The following MAPK8IP3 variants were observed in gnomAD, a reference collection of about 807,000 sequenced individuals.
MAPK8IP3 encodes the protein mitogen-activated protein kinase 8 interacting protein 3.
Under a neutral mutation model 157.8 loss-of-function variants are expected in MAPK8IP3, and 49 were observed. The ratio of observed to expected loss-of-function variants is 0.31; its 90% CI spans 0.25 to 0.39. The LOEUF (loss-of-function observed/expected upper bound fraction) is 0.39, where lower values mean the gene tolerates loss of function less well. MAPK8IP3 is among the 10% of genes least tolerant of loss of function. The pLI, the probability that MAPK8IP3 is intolerant of heterozygous loss-of-function variation, is 1.00. For missense variants in MAPK8IP3, 1,478 were observed against 1,889.4 expected, an observed-to-expected ratio of 0.78 and a Z score of 4.04; for synonymous variants, 897 against 777.7, an observed-to-expected ratio of 1.15 and a Z score of -2.55.
intron 8 of MAPK8IP3, among the ~76,000 whole-genome samples, chr16:1,755,850 CA>C (rs59789858): frequency 0.19 from 13,307 of 69,140 alleles, 650 homozygotes; most frequent in African/African-American, 0.3. Flanking sequence ...GAGTCTTTCT[CA>C]AAAAAAAAAA....
rs191721164 is a variant in MAPK8IP3, at chr16:1,710,629, C to T, written c.318+3972C>T. 8.5e-5 allele frequency among the ~76,000 whole-genome samples: 13 copies of T among 152,280 alleles called. No individual in the cohort carries two copies. The highest frequency in any genetic ancestry group is 1.9e-4 in the East Asian group (1 of 5,188). On this transcript the variant is annotated intron_variant, in intron 1 of 31. Coordinates refer to ENST00000610761, the MANE Select transcript of MAPK8IP3 (RefSeq NM_001318852.2). This position sits in a 1 kb window ranked among gnomAD's most constrained non-coding sequence, Gnocchi z 4.1. The stretch of plus-strand genomic sequence containing the variant: ...TTCTTTTTTTCTCCTCTGCGCCAGA[C>T]GATCTGCAGGAAGTCTTTTCCATCA...
At chr16:1,763,883 A>AG (rs1004065080) in intron 17 of MAPK8IP3, 100 bp downstream of exon 17, 2 of 127,088 alleles carry the variant, frequency 1.6e-5, no homozygotes, top group Non-Finnish European at 2.8e-5. Context: ...GGGCAGTGCT[A>AG]GGGGGTGGGA....
At chr16:1,756,623 A>AACACACACACAC (rs60461442) in intron 8 of MAPK8IP3, among the ~76,000 whole-genome samples, 226 of 135,692 alleles carry the variant, frequency 1.7e-3, no homozygotes, top group Middle Eastern at 0.011. Flanking sequence ...TTTTTACTAA[A>AACACACACACAC]ACACACACAC....
chr16:1,752,547 A>T (rs1017866466), intron 8 of MAPK8IP3: 6 of 335,062 alleles, frequency 1.8e-5, no homozygotes, highest in Non-Finnish European at 3.6e-5. Context: ...GTTCAAGACC[A>T]GCCTGGTCAA....
chr16:1,716,201 C>T (rs1258341566), intron 1 of MAPK8IP3, among the ~76,000 whole-genome samples: 5 of 151,722 alleles, frequency 3.3e-5, no homozygotes, highest in Non-Finnish European at 5.9e-5. Flanking sequence ...TCAGTCACTG[C>T]GTTAACTTTG....
chr16:1,723,763 C>T (rs1234994658), intron 1 of MAPK8IP3, among the ~76,000 whole-genome samples: 1 of 152,364 alleles, frequency 6.6e-6, no homozygotes, highest in East Asian at 1.9e-4. Context: ...GTAGGAACTA[C>T]ACTTATGGCA....
At chr16:1,734,945 AGAGT>A (rs1217682568) in intron 4 of MAPK8IP3, 1 of 154,618 alleles carries the variant, frequency 6.5e-6, no homozygotes, top group African/African-American at 2.4e-5. Flanking sequence ...CCACTGCTGC[AGAGT>A]GTGTGTGTGT....
Position 1,767,134 on chromosome 16 carries a change from C to T in MAPK8IP3, c.3089-15C>T, listed in dbSNP as rs369035257. ...GCCTGGCCAGGCCTGAGCAGGTGTC[C>T]GGGGCTCCCTCCAGATGGCCAGTGG... On this transcript the variant is annotated splice_polypyrimidine_tract_variant and intron_variant, in intron 25 of 31. Transcript: ENST00000610761. 16 of 1,612,382 alleles carry T rather than the reference C, an allele frequency of 9.9e-6. No individual in the cohort carries two copies. Among genetic ancestry groups the T allele is most frequent in the Middle Eastern group, 1.7e-4 (1 of 6,060 alleles).
chr16:1,759,774 C>T (rs1224372746), intron 10 of MAPK8IP3, among the ~76,000 whole-genome samples, 184 bp from the exon 11 acceptor site: 1 of 152,256 alleles, frequency 6.6e-6, no homozygotes, highest in African/African-American at 2.4e-5. Flanking sequence ...TGGGAGCCTG[C>T]TCTGTGCACA....
At chr16:1,763,839 A>G (rs867613938) in intron 17 of MAPK8IP3, 56 bp downstream of exon 17, 39 of 613,400 alleles carry the variant, frequency 6.4e-5, no homozygotes, top group African/African-American at 6.1e-4. Flanking sequence ...GGGCGGGGGT[A>G]AGGGGCGGGG....
rs1368062491 is a variant in MAPK8IP3, at chr16:1,741,498, C to T, written c.603-1834C>T. 6.6e-6 allele frequency among the ~76,000 whole-genome samples: 1 copy of T among 152,128 alleles called. No individual in the cohort carries two copies. ...CAGAGGCCCCTCTGACCCTGCTGTC[C>T]CCTGTAGCATCTGGTGACAGCCAGG... On this transcript the variant is annotated intron_variant, in intron 4 of 31. Coordinates refer to ENST00000610761, the MANE Select transcript of MAPK8IP3 (RefSeq NM_001318852.2). The surrounding 1 kb of genome is among the most constrained non-coding windows in gnomAD (Gnocchi z 6.9).
In MAPK8IP3 at chr16:1,740,238, ATC is replaced by A. The variant is rs1305433784; in HGVS notation, c.603-3092_603-3091del. ...CTTCCGTGTGACCGTCCGTGTGAGC[ATC>A]TGTGTGACCGTTCGTGTGAGTGTGT... is the stretch of plus-strand genomic sequence containing the variant. On this transcript the variant is annotated intron_variant, in intron 4 of 31. Coordinates refer to ENST00000610761, the MANE Select transcript of MAPK8IP3 (RefSeq NM_001318852.2). Among the ~76,000 whole-genome samples, 5 of 110,254 alleles carry A rather than the reference ATC, an allele frequency of 4.5e-5. 1 individual carries two copies. Among genetic ancestry groups the A allele is most frequent in the South Asian group, 3.4e-4 (1 of 2,940 alleles). The allele number at this position is 110,254 out of a possible 152,430, so 72.3% of individuals were successfully genotyped here. A position where few individuals can be genotyped will look rare whatever the true frequency, so the allele number is the denominator to read the frequency against.
In MAPK8IP3 at chr16:1,767,139, C is replaced by A; in HGVS notation, c.3089-10C>A. On this transcript the variant is annotated splice_polypyrimidine_tract_variant and intron_variant, in intron 25 of 31. Coordinates refer to ENST00000610761, the MANE Select transcript of MAPK8IP3 (RefSeq NM_001318852.2). ...GCCAGGCCTGAGCAGGTGTCCGGGGCTCCCTCCAGATGGCCAGTGGGATCT... is the reference window on the plus strand; with the variant it reads ...GCCAGGCCTGAGCAGGTGTCCGGGGATCCCTCCAGATGGCCAGTGGGATCT... 6.2e-7 allele frequency: 1 copy of A among 1,612,678 alleles called. No homozygotes were observed. Among genetic ancestry groups the A allele is most frequent in the Non-Finnish European group, 8.5e-7 (1 of 1,179,786 alleles).
In MAPK8IP3 at chr16:1,769,224, G is replaced by A. The variant is rs2042469198; in HGVS notation, c.*400G>A. ...CCGCCGCCGAGGCTGCCTGCCCTGGGCCCACCTCTGCATGCTGCTCATGGG... is the reference window on the plus strand; with the variant it reads ...CCGCCGCCGAGGCTGCCTGCCCTGGACCCACCTCTGCATGCTGCTCATGGG... On this transcript the variant is annotated 3_prime_UTR_variant, in exon 32 of 32. Transcript: ENST00000610761. 2.0e-5 allele frequency: 5 copies of A among 248,262 alleles called. No homozygotes were observed. The highest frequency in any genetic ancestry group is 5.1e-5 in the Admixed American group (1 of 19,672). 15.4% of individuals were successfully genotyped at this position (248,262 alleles called of 1,614,324 possible).
chr16:1,746,964 C>A, intron 5 of MAPK8IP3, 65 bp from the exon 6 acceptor site: 1 of 1,562,532 alleles, frequency 6.4e-7, no homozygotes, highest in Non-Finnish European at 8.7e-7. Flanking sequence ...CAGGCAGCCA[C>A]GGCGGAGCCG....
At chr16:1,757,182 T>A (rs960435057) in intron 8 of MAPK8IP3, among the ~76,000 whole-genome samples, 6 of 152,140 alleles carry the variant, frequency 3.9e-5, no homozygotes, top group African/African-American at 1.4e-4. Flanking sequence ...CTCAGCTCAC[T>A]GCAAGCTCTG....
intron 9 of MAPK8IP3, among the ~76,000 whole-genome samples, chr16:1,758,481 G>A (rs1313844216): frequency 6.6e-6 from 1 of 152,228 alleles, no homozygotes; most frequent in East Asian, 1.9e-4. Context: ...CTCCCCTGCT[G>A]TCAGGCACAC....
intron 1 of MAPK8IP3, among the ~76,000 whole-genome samples, chr16:1,709,959 C>G (rs1412841915): frequency 6.6e-6 from 1 of 151,782 alleles, no homozygotes; most frequent in African/African-American, 2.4e-5. Flanking sequence ...GTTCTCTCAA[C>G]AAGCCCAGAT....
chr16:1,721,481 G>GT (rs1178758064), intron 1 of MAPK8IP3, among the ~76,000 whole-genome samples: 6 of 152,080 alleles, frequency 3.9e-5, no homozygotes, highest in Non-Finnish European at 7.3e-5. Context: ...TCATCTGGGA[G>GT]TGCAGTGGTG....
Sources: allele counts gnomAD v4.1 joint callset (sites outside exome capture counted in the v4.1 genomes callset), GRCh38; gene constraint gnomAD v4.1.1; non-coding constraint Gnocchi (gnomAD v3.1); transcripts MANE v1.5; gene names NCBI Gene and HGNC (gene_info 2026-07-23, HGNC 2026-07-21).